TSPAN9: variants seen among roughly 807,000 people sequenced by gnomAD.
The protein encoded by TSPAN9 is tetraspanin 9.
A neutral mutation model predicts 31.0 loss-of-function variants in TSPAN9; 16 were observed. The ratio of observed to expected loss-of-function variants is 0.52; its 90% CI spans 0.35 to 0.78. The LOEUF (loss-of-function observed/expected upper bound fraction) is 0.78. Among genes scored for constraint, TSPAN9 ranks in the 30% least tolerant of loss-of-function variants. The pLI is 0.01. For missense variants in TSPAN9, 272 were observed against 312.5 expected, an observed-to-expected ratio of 0.87 and a Z score of 0.98; for synonymous variants, 145 against 121.6, an observed-to-expected ratio of 1.19 and a Z score of -1.27.
intron 2 of TSPAN9, among the ~76,000 whole-genome samples, chr12:3,156,654 T>C (rs558366136): frequency 6.6e-4 from 100 of 152,080 alleles, no homozygotes; most frequent in African/African-American, 2.3e-3. Flanking sequence ...ATTACAGGCA[T>C]GCGCCACCAC....
At chr12:3,236,413 C>T (rs1378800752) in intron 3 of TSPAN9, among the ~76,000 whole-genome samples, 1 of 152,196 alleles carries the variant, frequency 6.6e-6, no homozygotes, top group Admixed American at 6.5e-5. Flanking sequence ...GATGAGGCAG[C>T]TGGAGCTCAG....
At chr12:3,134,337 A>G (rs1024860856) in intron 2 of TSPAN9, among the ~76,000 whole-genome samples, 2 of 152,218 alleles carry the variant, frequency 1.3e-5, no homozygotes, top group South Asian at 2.1e-4. Flanking sequence ...CTGGCACTTT[A>G]GCAGGAATTA....
In TSPAN9 at chr12:3,168,573, C is replaced by T. The variant is rs1384698946; in HGVS notation, c.-17-32604C>T. Among the ~76,000 whole-genome samples the T allele has an allele frequency of 6.6e-6, 1 of 152,258 alleles. No homozygotes were observed. Among genetic ancestry groups the T allele is most frequent in the East Asian group, 1.9e-4 (1 of 5,186 alleles). ...GGGGAGCTGACTTACTTTCTCTTTG[C>T]CCCCCTCTATTTCTATGTGTGAGTC... On this transcript the variant is annotated intron_variant, in intron 2 of 8. Coordinates refer to ENST00000011898, the MANE Select transcript of TSPAN9 (RefSeq NM_006675.5). The surrounding 1 kb of genome is among the most constrained non-coding windows in gnomAD (Gnocchi z 4.0).
rs1324114858 is a variant in TSPAN9, at chr12:3,217,725, C to A, written c.63+16469C>A. Among the ~76,000 whole-genome samples, 5 of 152,256 alleles carry A rather than the reference C, an allele frequency of 3.3e-5. No homozygotes were observed. In the East Asian group the frequency reaches 7.7e-4, roughly 23 times the overall value. ...ATCCCTTCACCCCTTCACCCCTTCA[C>A]CCCAGCATCTGATCATCTGTCCCTT... On this transcript the variant is annotated intron_variant, in intron 3 of 8. Coordinates refer to ENST00000011898, the MANE Select transcript of TSPAN9 (RefSeq NM_006675.5).
At chr12:3,105,748 TCACA>T (rs367818280) in intron 2 of TSPAN9, among the ~76,000 whole-genome samples, 42 of 105,904 alleles carry the variant, frequency 4.0e-4, no homozygotes, top group Admixed American at 2.0e-3. Flanking sequence ...ACACACACAC[TCACA>T]CACACGCACA....
chr12:3,282,808 C>T (rs889949429), intron 8 of TSPAN9, among the ~76,000 whole-genome samples: 2 of 152,256 alleles, frequency 1.3e-5, no homozygotes, highest in East Asian at 3.8e-4. Context: ...TGCAGAGGTT[C>T]GATGGCTTCT....
At chr12:3,154,330 C>T (rs56289229) in intron 2 of TSPAN9, among the ~76,000 whole-genome samples, 18 of 152,260 alleles carry the variant, frequency 1.2e-4, no homozygotes, top group Middle Eastern at 6.8e-3. Context: ...TCTCCAGCTT[C>T]GAAGCCCGCT....
chr12:3,237,321 C>T (rs1252719815), intron 3 of TSPAN9, among the ~76,000 whole-genome samples: 1 of 117,104 alleles, frequency 8.5e-6, no homozygotes, highest in Admixed American at 8.8e-5. Flanking sequence ...TGATGACTTA[C>T]GATCAAAGAC....
At chr12:3,231,447 G>A (rs1475799238) in intron 3 of TSPAN9, among the ~76,000 whole-genome samples, 3 of 152,198 alleles carry the variant, frequency 2.0e-5, no homozygotes, top group East Asian at 3.9e-4. Flanking sequence ...GCCCCAGCCC[G>A]AACAGTCCTG....
intron 2 of TSPAN9, among the ~76,000 whole-genome samples, chr12:3,117,024 G>A (rs2098322745): frequency 6.6e-6 from 1 of 152,156 alleles, no homozygotes; most frequent in Non-Finnish European, 1.5e-5. Flanking sequence ...GCCTTTCAGG[G>A]TGACAGATCT....
chr12:3,270,596 G>A (rs1862657709), intron 3 of TSPAN9, among the ~76,000 whole-genome samples: 3 of 152,228 alleles, frequency 2.0e-5, no homozygotes, highest in African/African-American at 7.2e-5. Context: ...AAACAGATGG[G>A]TAGCACTTCA....
At chr12:3,236,283 A>G (rs1426206544) in intron 3 of TSPAN9, among the ~76,000 whole-genome samples, 1 of 152,224 alleles carries the variant, frequency 6.6e-6, no homozygotes, top group African/African-American at 2.4e-5. Context: ...GAATGGTGCA[A>G]TAATTTAATG....
At position 3,144,001 on chromosome 12, in the gene TSPAN9, C is replaced by T. The variant is rs2098336019; in HGVS notation, c.-17-57176C>T. Among the ~76,000 whole-genome samples the T allele has an allele frequency of 2.0e-5, 3 of 152,108 alleles. No homozygotes were observed. In the South Asian group the frequency reaches 6.2e-4, roughly 32 times the overall value. ...AACTAAGAAATAGATATATGTCAAC[C>T]CAGGCATGGACACATATCTGTATCT... On this transcript the variant is annotated intron_variant, in intron 2 of 8. Coordinates refer to ENST00000011898, the MANE Select transcript of TSPAN9 (RefSeq NM_006675.5).
At chr12:3,260,385 T>C (rs75373543) in intron 3 of TSPAN9, among the ~76,000 whole-genome samples, 2,247 of 152,232 alleles carry the variant, frequency 0.015, 57 homozygotes, top group African/African-American at 0.05. Flanking sequence ...AGTGAAGAAT[T>C]TGGATGTACT....
At chr12:3,219,971 G>C (rs1050243148) in intron 3 of TSPAN9, among the ~76,000 whole-genome samples, 1 of 151,716 alleles carries the variant, frequency 6.6e-6, no homozygotes, top group Non-Finnish European at 1.5e-5. Flanking sequence ...CCTGGCCAAC[G>C]TGGTGAAACC....
intron 2 of TSPAN9, among the ~76,000 whole-genome samples, chr12:3,139,670 C>T (rs567579972): frequency 8.5e-4 from 130 of 152,320 alleles, no homozygotes; most frequent in Non-Finnish European, 1.4e-3. Context: ...CTCAGCCTCC[C>T]GAGTAGCTGG....
chr12:3,081,781 C>G (rs1412091399), intron 1 of TSPAN9, among the ~76,000 whole-genome samples: 1 of 149,798 alleles, frequency 6.7e-6, no homozygotes, highest in Non-Finnish European at 1.5e-5. Flanking sequence ...CCCTGGGCAA[C>G]ATAGTGAGGC....
chr12:3,167,910 C>T (rs1365509684), intron 2 of TSPAN9, among the ~76,000 whole-genome samples: 1 of 152,206 alleles, frequency 6.6e-6, no homozygotes, highest in Non-Finnish European at 1.5e-5. Context: ...CCTGGACCAC[C>T]CTCCTGGGCC....
intron 2 of TSPAN9, among the ~76,000 whole-genome samples, chr12:3,121,154 G>T (rs1438524073): frequency 3.3e-5 from 5 of 152,156 alleles, no homozygotes; most frequent in African/African-American, 1.2e-4. Context: ...TGTGTCAGGC[G>T]GTGTGAAATG....
Sources: gnomAD v4.1 joint callset for allele counts (sites outside exome capture counted in the v4.1 genomes callset) on GRCh38, gnomAD v4.1.1 for gene constraint, Gnocchi (gnomAD v3.1) non-coding constraint, MANE v1.5 for transcripts, NCBI Gene and HGNC (gene_info 2026-07-23, HGNC 2026-07-21) for gene names.